POPDC3: variants seen among roughly 807,000 people sequenced by gnomAD.
POPDC3 encodes popeye domain cAMP effector 3.
A neutral mutation model predicts 28.2 loss-of-function variants in POPDC3; 20 were observed. The ratio of observed to expected loss-of-function variants is 0.71; its 90% CI spans 0.50 to 1.03. The LOEUF is 1.03. Ranked by LOEUF, POPDC3 falls within the 50% of genes least tolerant of loss-of-function variation. POPDC3 has a pLI of 0.00. For synonymous variants in POPDC3, 118 were observed against 124.1 expected (o/e 0.95, Z 0.33); for missense variants, 316 against 345.9 (o/e 0.91, Z 0.69).
chr6:105,172,500 T>C (rs964606295), intron 1 of POPDC3, among the ~76,000 whole-genome samples: 1 of 150,146 alleles, frequency 6.7e-6, no homozygotes, highest in African/African-American at 2.5e-5. Flanking sequence ...GATCTAGAAC[T>C]AGAAATACCA....
At chr6:105,169,645 C>T (rs891132004) in intron 1 of POPDC3, 7 of 152,128 alleles carry the variant, frequency 4.6e-5, no homozygotes, top group Admixed American at 3.3e-4. Flanking sequence ...AATTGTGTGA[C>T]GCCACCAAGG....
intron 1 of POPDC3, among the ~76,000 whole-genome samples, chr6:105,166,922 TTGTG>T (rs202126899): frequency 6.6e-6 from 1 of 150,566 alleles, no homozygotes; most frequent in Non-Finnish European, 1.5e-5. Context: ...TGATAGAGCA[TTGTG>T]TGTGTGTATA....
chr6:105,160,491 G>A (rs1232047343), intron 2 of POPDC3, among the ~76,000 whole-genome samples: 3 of 152,014 alleles, frequency 2.0e-5, no homozygotes, highest in Non-Finnish European at 4.4e-5. Flanking sequence ...TGGGATTACA[G>A]GCGTGAGCCA....
At chr6:105,173,779 G>A (rs887263096) in intron 1 of POPDC3, among the ~76,000 whole-genome samples, 2 of 151,862 alleles carry the variant, frequency 1.3e-5, no homozygotes, top group African/African-American at 4.8e-5. Flanking sequence ...GGAGAATAAA[G>A]ATGAGACAGT....
intron 1 of POPDC3, among the ~76,000 whole-genome samples, chr6:105,164,495 T>C (rs1774418128): frequency 6.6e-6 from 1 of 152,236 alleles, no homozygotes; most frequent in East Asian, 1.9e-4. Flanking sequence ...CTGATTAAAT[T>C]ACTCCACACC....
intron 1 of POPDC3, among the ~76,000 whole-genome samples, chr6:105,164,974 C>T (rs911392452): frequency 6.6e-6 from 1 of 152,212 alleles, no homozygotes; most frequent in African/African-American, 2.4e-5. Flanking sequence ...CTAGAAACTG[C>T]ATTTATTGCA....
At chr6:105,159,680 A>C (rs1174593143) in intron 3 of POPDC3, 31 bp downstream of exon 3, 3 of 1,131,030 alleles carry the variant, frequency 2.7e-6, no homozygotes, top group Admixed American at 1.8e-5. Flanking sequence ...TGAAAGAGGG[A>C]GTGCTAACTG....
intron 2 of POPDC3, among the ~76,000 whole-genome samples, chr6:105,161,052 A>G (rs1484183313): frequency 1.3e-5 from 2 of 152,226 alleles, no homozygotes; most frequent in Admixed American, 1.3e-4. Context: ...ACTTAAAAGA[A>G]AGCCCTATCA....
At chr6:105,174,505 G>A (rs1774645942) in intron 1 of POPDC3, among the ~76,000 whole-genome samples, 1 of 152,170 alleles carries the variant, frequency 6.6e-6, no homozygotes, top group African/African-American at 2.4e-5. Context: ...ATGAACTCAT[G>A]GTAAGCTGAA....
intron 1 of POPDC3, among the ~76,000 whole-genome samples, chr6:105,168,368 AT>A (rs1774502316): frequency 1.3e-5 from 2 of 152,314 alleles, no homozygotes; most frequent in South Asian, 4.1e-4. Context: ...TGTACCACTA[AT>A]CTCTTAGGCT....
chr6:105,172,621 G>T (rs1178441254), intron 1 of POPDC3, among the ~76,000 whole-genome samples: 1 of 150,726 alleles, frequency 6.6e-6, no homozygotes, highest in East Asian at 1.9e-4. Flanking sequence ...CAATAGCAAA[G>T]ACTTGGAACC....
In POPDC3 at chr6:105,161,850, G is replaced by C; in HGVS notation, c.60C>G (p.Thr20=). 6.2e-7 allele frequency: 1 copy of C among 1,613,936 alleles called. No individual in the cohort carries two copies. The highest frequency in any genetic ancestry group is 1.7e-5 in the Admixed American group (1 of 59,986). The stretch of plus-strand genomic sequence containing the variant: ...TGGCTCCTTCGGCCTCTTGCTTCCA[G>C]GTTGTGCAGACTGGGTGTTCATCTA... The part of the protein sequence containing the change: ...NLIDEHPVCT[T]WKQEAEGAIY... The change falls in exon 2 of 4, where the codon ACC becomes ACG. Residue 20 remains threonine, a synonymous_variant. Coordinates refer to ENST00000254765, the MANE Select transcript of POPDC3 (RefSeq NM_022361.5).
rs753286653 is a variant in POPDC3 at position 105,175,252 on chromosome 6, A to G, written c.-252+4581T>C. Among the ~76,000 whole-genome samples the G allele has an allele frequency of 7.3e-5, 11 of 151,448 alleles. 1 individual carries two copies. Among genetic ancestry groups the G allele is most frequent in the Non-Finnish European group, 1.5e-4 (10 of 67,888 alleles). ...CTCACAATATAAACATATTTTTAAA[A>G]TTGGGGCTGGGTATAGTGGCTCATG... On this transcript the variant is annotated intron_variant, in intron 1 of 3. Transcript: ENST00000254765.
intron 1 of POPDC3, among the ~76,000 whole-genome samples, 159 bp downstream of exon 1, chr6:105,179,674 G>A (rs1274156349): frequency 6.6e-6 from 1 of 152,078 alleles, no homozygotes; most frequent in East Asian, 1.9e-4. Context: ...GGAAGGGAGC[G>A]GCGCGGGCAG....
intron 1 of POPDC3, among the ~76,000 whole-genome samples, chr6:105,165,614 G>A (rs1170192723): frequency 6.6e-6 from 1 of 152,186 alleles, no homozygotes; most frequent in Non-Finnish European, 1.5e-5. Context: ...AGATGTTTAA[G>A]TGCAAAAACA....
At chr6:105,163,319 C>G (rs1272033393) in intron 1 of POPDC3, among the ~76,000 whole-genome samples, 6 of 152,148 alleles carry the variant, frequency 3.9e-5, no homozygotes, top group Non-Finnish European at 7.4e-5. Flanking sequence ...CACATACATT[C>G]TCTACCCTTT....
At chr6:105,169,554 C>A (rs1562155624) in intron 1 of POPDC3, 2 of 152,180 alleles carry the variant, frequency 1.3e-5, no homozygotes, top group African/African-American at 4.8e-5. Flanking sequence ...AGGGCAAATA[C>A]TTAATGTTTT....
chr6:105,173,937 T>A (rs2114546968), intron 1 of POPDC3, among the ~76,000 whole-genome samples: 1 of 152,190 alleles, frequency 6.6e-6, no homozygotes, highest in Non-Finnish European at 1.5e-5. Context: ...CCAGGTTCCA[T>A]GAAAAATTGA....
intron 1 of POPDC3, chr6:105,179,253 T>C: frequency 1.0e-6 from 1 of 985,306 alleles, no homozygotes; most frequent in South Asian, 4.7e-5. Context: ...CGCGCGACCT[T>C]TGATGAGGCA....
Sources: allele counts gnomAD v4.1 joint callset (sites outside exome capture counted in the v4.1 genomes callset), GRCh38; gene constraint gnomAD v4.1.1; transcripts MANE v1.5; gene names NCBI Gene and HGNC (gene_info 2026-07-23, HGNC 2026-07-21).